Variants in SUCNR1 observed in about 807,000 individuals in gnomAD.
SUCNR1 encodes the protein succinate receptor 1.
Under a neutral mutation model 2.4 loss-of-function variants are expected in SUCNR1, and 5 were observed. The ratio of observed to expected loss-of-function variants is 2.07; its 90% confidence interval spans 1.08 to 4.36. SUCNR1 has a LOEUF of 4.36. Among genes scored for constraint, SUCNR1 ranks in the 30% most tolerant of loss-of-function variants. The pLI, the probability that SUCNR1 is intolerant of heterozygous loss-of-function variation, is 0.00. For missense variants in SUCNR1, 373 were observed against 399.2 expected (o/e 0.93, Z 0.56); for synonymous variants, 162 against 143.9 (o/e 1.13, Z -0.90).
chr3:151,878,572 G>A (rs574797212), intron 1 of SUCNR1, among the ~76,000 whole-genome samples: 1 of 152,278 alleles, frequency 6.6e-6, no homozygotes, highest in Admixed American at 6.5e-5. Context: ...CAATATGAGA[G>A]AGCGGTAGAA....
chr3:151,878,301 T>C (rs568379737), intron 1 of SUCNR1, among the ~76,000 whole-genome samples: 1 of 152,192 alleles, frequency 6.6e-6, no homozygotes, highest in Admixed American at 6.6e-5. Flanking sequence ...GATGAGAGTG[T>C]TTAAATTCTA....
chr3:151,874,125 CATATATAT>C lies in SUCNR1; in HGVS notation c.-42+434_-42+441del, dbSNP rs1171918094. Among the ~76,000 whole-genome samples the C allele has an allele frequency of 3.6e-3, 313 of 86,848 alleles. 3 individuals carry two copies. The highest frequency in any genetic ancestry group is 4.6e-3 in the Non-Finnish European group (221 of 48,260). 57.0% of individuals were successfully genotyped at this position (86,848 alleles called of 152,430 possible). A position where few individuals can be genotyped will look rare whatever the true frequency, so the allele number is the denominator to read the frequency against. On this transcript the variant is annotated intron_variant, in intron 1 of 2. Coordinates refer to ENST00000362032, the MANE Select transcript of SUCNR1 (RefSeq NM_033050.6). The stretch of plus-strand genomic sequence containing the variant: ...ACACACACACACACACATATACATA[CATATATAT>C]ATATATATATATATTTTTTTTTTTT...
intron 2 of SUCNR1, 143 bp from the exon 3 acceptor site, chr3:151,880,416 A>G (rs750544454): frequency 2.9e-5 from 18 of 620,972 alleles, no homozygotes; most frequent in East Asian, 5.5e-5. Context: ...ACATATATAT[A>G]TGTGTGTATG....
intron 1 of SUCNR1, among the ~76,000 whole-genome samples, chr3:151,874,883 TTAAAAG>T (rs1717876285): frequency 6.6e-6 from 1 of 152,028 alleles, no homozygotes; most frequent in Non-Finnish European, 1.5e-5. Flanking sequence ...AAGGTAGCAC[TTAAAAG>T]TAAACATTTT....
In SUCNR1 at chr3:151,882,085, C is replaced by T. The variant is rs375758738; in HGVS notation, c.*537C>T. ...TATATTTTTTATATTCATCATGAAT[C>T]GGGGTAGTCTTGTAATTTATCTAAC... On this transcript the variant is annotated 3_prime_UTR_variant, in exon 3 of 3. Transcript: ENST00000362032. The T allele has an allele frequency of 6.6e-6, 1 of 152,078 alleles. No individual in the cohort carries two copies. The highest frequency in any genetic ancestry group is 6.6e-5 in the Admixed American group (1 of 15,260). The allele number at this position is 152,078 out of a possible 1,614,324, so 9.4% of individuals were successfully genotyped here. A position where few individuals can be genotyped will look rare whatever the true frequency, so the allele number is the denominator to read the frequency against.
chr3:151,877,129 GAA>G (rs910239127), intron 1 of SUCNR1, among the ~76,000 whole-genome samples: 41 of 152,080 alleles, frequency 2.7e-4, no homozygotes, highest in Non-Finnish European at 5.6e-4. Flanking sequence ...AAACAGCAGT[GAA>G]AAGAGATTCA....
chr3:151,874,077 G>A (rs559251243), intron 1 of SUCNR1, among the ~76,000 whole-genome samples: 2 of 100,628 alleles, frequency 2.0e-5, no homozygotes, highest in African/African-American at 4.4e-5. Flanking sequence ...TCATGTATTT[G>A]ATACATACAC....
chr3:151,880,459 T>G, intron 2 of SUCNR1, 100 bp from the exon 3 acceptor site: 1 of 837,822 alleles, frequency 1.2e-6, no homozygotes, highest in Non-Finnish European at 1.9e-6. Context: ...CTTTCTATAG[T>G]TCACCATTCA....
At position 151,881,332 on chromosome 3, in the gene SUCNR1, G is replaced by A. The variant is rs760938730; in HGVS notation, c.789G>A (p.Trp263Ter). ...GGATCGCTTCACGCCTGGGGAGTTG[G>A]AAGCAGTATCAGTGCACTCAGGTCG... ...NVRIASRLGSWKQYQCTQVVI... is the reference protein window; with the variant it reads ...NVRIASRLGS Residue 263 changes from tryptophan (W) to a stop codon, truncating the protein, a stop_gained, in exon 3 of 3, where the codon TGG becomes TGA. Transcript: ENST00000362032. LOFTEE classifies it low-confidence loss of function (END_TRUNC). The A allele has an allele frequency of 3.7e-6, 6 of 1,614,188 alleles. No homozygotes were observed. Among genetic ancestry groups the A allele is most frequent in the Non-Finnish European group, 4.2e-6 (5 of 1,180,020 alleles).
At chr3:151,876,343 T>C (rs1253846154) in intron 1 of SUCNR1, among the ~76,000 whole-genome samples, 1 of 152,096 alleles carries the variant, frequency 6.6e-6, no homozygotes, top group Admixed American at 6.6e-5. Context: ...TAAATAATAA[T>C]AGTAAAAACT....
Position 151,879,906 on chromosome 3 carries a change from T to C in SUCNR1, c.14T>C (p.Met5Thr), listed in dbSNP as rs781090561. The C allele has an allele frequency of 2.5e-6, 4 of 1,583,428 alleles. No homozygotes were observed. The highest frequency in any genetic ancestry group is 3.4e-6 in the Non-Finnish European group (4 of 1,164,272). The change falls in exon 2 of 3, where the codon ATG (methionine) becomes ACG (threonine). Residue 5 changes from methionine to threonine, a missense_variant and splice_region_variant. Coordinates refer to ENST00000362032, the MANE Select transcript of SUCNR1 (RefSeq NM_033050.6). ...AACAACTACGACATGCTGGGGATCA[T>C]GGTATGTTTAGAGACACAAAAGTGA... MLGI[M>T]AWNATCKNWL...
chr3:151,881,518 T>C lies in SUCNR1; in HGVS notation c.975T>C (p.His325=). The C allele has an allele frequency of 1.9e-6, 3 of 1,607,400 alleles. No individual in the cohort carries two copies. The highest frequency in any genetic ancestry group is 2.5e-6 in the Non-Finnish European group (3 of 1,177,828). The change falls in exon 3 of 3, where the codon CAT becomes CAC. Residue 325 remains histidine (H), a synonymous_variant. Coordinates refer to ENST00000362032, the MANE Select transcript of SUCNR1 (RefSeq NM_033050.6). ...TTACATCCTTTAGCAGATGGGCTCA[T>C]GAACTCCTACTTTCATTCAGAGAAA... ...KSLTSFSRWA[H]ELLLSFREK
chr3:151,875,360 T>C (rs1230609332), intron 1 of SUCNR1, among the ~76,000 whole-genome samples: 1 of 152,156 alleles, frequency 6.6e-6, no homozygotes, highest in African/African-American at 2.4e-5. Flanking sequence ...AGAATTGCGA[T>C]GCCACACTAA....
In SUCNR1 at chr3:151,874,136, ATATATATATAT is replaced by A. The variant is rs1271642779; in HGVS notation, c.-42+432_-42+442del. ...CACACATATACATACATATATATATATATATATATATTTTTTTTTTTTTTTTTTTTTTTTAA... is the reference window on the plus strand; with the variant it reads ...CACACATATACATACATATATATATATTTTTTTTTTTTTTTTTTTTTTTAA... On this transcript the variant is annotated intron_variant, in intron 1 of 2. Coordinates refer to ENST00000362032, the MANE Select transcript of SUCNR1 (RefSeq NM_033050.6). Among the ~76,000 whole-genome samples the A allele has an allele frequency of 6.5e-3, 380 of 58,634 alleles. 4 individuals are homozygous for A. The highest frequency in any genetic ancestry group is 0.024 in the African/African-American group (368 of 15,328). 38.5% of individuals were successfully genotyped at this position (58,634 alleles called of 152,430 possible).
chr3:151,874,077 GATAC>G (rs1559855826), intron 1 of SUCNR1, among the ~76,000 whole-genome samples: 1 of 100,592 alleles, frequency 9.9e-6, no homozygotes, highest in Non-Finnish European at 1.8e-5. Context: ...TCATGTATTT[GATAC>G]ATACACACAC....
In SUCNR1 at chr3:151,881,154, G is replaced by A. The variant is rs1559858128; in HGVS notation, c.611G>A (p.Cys204Tyr). The A allele has an allele frequency of 1.2e-6, 2 of 1,614,118 alleles. No individual in the cohort carries two copies. Among genetic ancestry groups the A allele is most frequent in the Non-Finnish European group, 1.7e-6 (2 of 1,180,014 alleles). Residue 204 changes from cysteine to tyrosine, a missense_variant, in exon 3 of 3, where the codon TGT becomes TAT. Cys to Tyr is a radical substitution (Grantham distance 194). Transcript: ENST00000362032. ...LGFLIPLFVMCFFYYKIALFL... is the reference protein window; with the variant it reads ...LGFLIPLFVMYFFYYKIALFL... ...TTCCTTATTCCTCTTTTTGTGATGT[G>A]TTTCTTTTATTACAAGATTGCTCTC...
Position 151,881,851 on chromosome 3 carries a change from C to A in SUCNR1, c.*303C>A. The A allele has an allele frequency of 4.3e-6, 1 of 231,522 alleles. No homozygotes were observed. The highest frequency in any genetic ancestry group is 1.2e-4 in the South Asian group (1 of 8,300). The allele number at this position is 231,522 out of a possible 1,614,324, so 14.3% of individuals were successfully genotyped here. A position where few individuals can be genotyped will look rare whatever the true frequency, so the allele number is the denominator to read the frequency against. ...GCAACAAGTTGTCTGCATTTGATCA[C>A]TGGTCAGATTGTAAAAAAAAAAAAA... is the stretch of plus-strand genomic sequence containing the variant. On this transcript the variant is annotated 3_prime_UTR_variant, in exon 3 of 3. Transcript: ENST00000362032.
rs1718164001 is a variant in SUCNR1 at position 151,883,490 on chromosome 3, A to ATATATG, written c.*1947_*1948insGTATAT. ...CATATATATATATATATATATATAT[A>ATATATG]TATATATATATATATGTACCTTGTA... On this transcript the variant is annotated 3_prime_UTR_variant, in exon 3 of 3. Transcript: ENST00000362032. The ATATATG allele has an allele frequency of 7.1e-6, 1 of 140,478 alleles. No homozygotes were observed. Among genetic ancestry groups the ATATATG allele is most frequent in the Non-Finnish European group, 1.6e-5 (1 of 64,112 alleles). The allele number at this position is 140,478 out of a possible 1,614,324, so 8.7% of individuals were successfully genotyped here. A position where few individuals can be genotyped will look rare whatever the true frequency, so the allele number is the denominator to read the frequency against.
intron 1 of SUCNR1, among the ~76,000 whole-genome samples, chr3:151,874,083 T>C (rs1017354523): frequency 1.7e-5 from 2 of 117,432 alleles, no homozygotes; most frequent in Non-Finnish European, 3.2e-5. Context: ...ATTTGATACA[T>C]ACACACACAC....
Sources: allele counts gnomAD v4.1 joint callset (sites outside exome capture counted in the v4.1 genomes callset), GRCh38; gene constraint gnomAD v4.1.1; transcripts MANE v1.5; gene names NCBI Gene and HGNC (gene_info 2026-07-23, HGNC 2026-07-21).